The following CNTNAP5 variants were observed in gnomAD, a reference collection of about 807,000 sequenced individuals.
The protein encoded by CNTNAP5 is contactin associated protein family member 5.
CNTNAP5 carries 72 observed loss-of-function variants against 150.2 expected under a neutral mutation model. The ratio of observed to expected loss-of-function variants is 0.48; its 90% CI spans 0.40 to 0.58. The LOEUF is 0.58. Ranked by LOEUF, CNTNAP5 falls within the 20% of genes least tolerant of loss-of-function variation. The pLI is 0.00. For synonymous variants in CNTNAP5, 672 were observed against 619.8 expected, an observed-to-expected ratio of 1.08 and a Z score of -1.25; for missense variants, 1,636 against 1,626.2, an observed-to-expected ratio of 1.01 and a Z score of -0.10.
At chr2:124,604,162 A>C (rs1427480526) in intron 11 of CNTNAP5, among the ~76,000 whole-genome samples, 1 of 152,208 alleles carries the variant, frequency 6.6e-6, no homozygotes. Flanking sequence ...TGAAAGCATT[A>C]AATTATAAGC....
chr2:124,676,881 A>G (rs975492472), intron 13 of CNTNAP5, among the ~76,000 whole-genome samples: 3 of 152,224 alleles, frequency 2.0e-5, no homozygotes, highest in South Asian at 2.1e-4. Flanking sequence ...ACAATTTTGA[A>G]TAGTGCTCTC....
chr2:124,200,064 C>A (rs1372809618), intron 1 of CNTNAP5, among the ~76,000 whole-genome samples: 1 of 152,156 alleles, frequency 6.6e-6, no homozygotes, highest in Non-Finnish European at 1.5e-5. Context: ...CTAAAACAAT[C>A]TTTGCAGCAT....
intron 13 of CNTNAP5, among the ~76,000 whole-genome samples, chr2:124,696,692 T>G (rs765830682): frequency 6.6e-6 from 1 of 152,204 alleles, no homozygotes; most frequent in African/African-American, 2.4e-5. Context: ...TCTGACTGTG[T>G]GACTTTTGAA....
chr2:124,670,177 C>CT (rs879800479), intron 13 of CNTNAP5, among the ~76,000 whole-genome samples: 33,671 of 136,050 alleles, frequency 0.25, 4,592 homozygotes, highest in Non-Finnish European at 0.3. Flanking sequence ...TCCTTCCTTC[C>CT]TCCCTCTCTT....
chr2:124,511,304 AT>A (rs1694583296), intron 8 of CNTNAP5, among the ~76,000 whole-genome samples: 1 of 152,226 alleles, frequency 6.6e-6, no homozygotes, highest in Admixed American at 6.5e-5. Flanking sequence ...GGGATCTGAC[AT>A]TTCAATGTTA....
At chr2:124,147,844 A>T (rs988355151) in intron 1 of CNTNAP5, among the ~76,000 whole-genome samples, 1 of 152,216 alleles carries the variant, frequency 6.6e-6, no homozygotes, top group Non-Finnish European at 1.5e-5. Flanking sequence ...CCTTAAATTC[A>T]TCAATGCATC....
chr2:124,742,071 G>A (rs2105139124), intron 13 of CNTNAP5, among the ~76,000 whole-genome samples: 1 of 152,042 alleles, frequency 6.6e-6, no homozygotes, highest in African/African-American at 2.4e-5. Flanking sequence ...TGGAGAAACA[G>A]TGAAGATATT....
At chr2:124,083,406 C>T (rs941058619) in intron 1 of CNTNAP5, among the ~76,000 whole-genome samples, 2 of 152,020 alleles carry the variant, frequency 1.3e-5, no homozygotes, top group Non-Finnish European at 2.9e-5. Flanking sequence ...CATTCTGTAA[C>T]TTGTTTTTCA....
chr2:124,194,390 TATATATATATATATATATATAAATATAA>T (rs1379281915), intron 1 of CNTNAP5, among the ~76,000 whole-genome samples: 1 of 13,684 alleles, frequency 7.3e-5, no homozygotes, highest in Non-Finnish European at 1.7e-4. Context: ...TATATATATA[TATATATATATATATATATATAAATATAA>T]ATAGGTGTGC....
chr2:124,480,314 T>C (rs766998841), intron 7 of CNTNAP5, among the ~76,000 whole-genome samples: 5 of 152,248 alleles, frequency 3.3e-5, no homozygotes, highest in African/African-American at 4.8e-5. Flanking sequence ...TAGGCTTGGG[T>C]ATAACAGATG....
intron 1 of CNTNAP5, among the ~76,000 whole-genome samples, chr2:124,151,234 C>T (rs1684399302): frequency 1.3e-5 from 2 of 152,164 alleles, no homozygotes; most frequent in Admixed American, 1.3e-4. Context: ...TGGCCAGTGT[C>T]AGCAATTTAG....
intron 7 of CNTNAP5, among the ~76,000 whole-genome samples, chr2:124,488,392 T>A (rs943207960): frequency 6.6e-6 from 1 of 152,260 alleles, no homozygotes. Flanking sequence ...TGGTTTCAGT[T>A]TGGGAAAAAT....
chr2:124,381,004 G>A (rs1179967863), intron 3 of CNTNAP5, among the ~76,000 whole-genome samples: 1 of 152,158 alleles, frequency 6.6e-6, no homozygotes, highest in African/African-American at 2.4e-5. Context: ...CTGAGAAGGT[G>A]GCATTGGAGC....
At chr2:124,630,021 T>A (rs934344888) in intron 12 of CNTNAP5, among the ~76,000 whole-genome samples, 4 of 141,106 alleles carry the variant, frequency 2.8e-5, no homozygotes, top group African/African-American at 1.0e-4. Context: ...GAACCAGGAA[T>A]AAGTTAAATT....
intron 16 of CNTNAP5, among the ~76,000 whole-genome samples, chr2:124,770,703 C>A (rs1245786806): frequency 6.6e-6 from 1 of 152,120 alleles, no homozygotes; most frequent in Non-Finnish European, 1.5e-5. Context: ...TCAATCTGTT[C>A]CCTTCAATTC....
chr2:124,496,494 A>G (rs1694150792), intron 7 of CNTNAP5, among the ~76,000 whole-genome samples: 1 of 152,102 alleles, frequency 6.6e-6, no homozygotes, highest in South Asian at 2.1e-4. Flanking sequence ...TTTATTTTTT[A>G]CTCACCAGGG....
At chr2:124,291,195 C>T (rs898840736) in intron 3 of CNTNAP5, among the ~76,000 whole-genome samples, 2 of 151,900 alleles carry the variant, frequency 1.3e-5, no homozygotes, top group Non-Finnish European at 2.9e-5. Flanking sequence ...AAAGAGAAAA[C>T]GGAGGCAGAG....
At chr2:124,677,275 G>T (rs567378284) in intron 13 of CNTNAP5, among the ~76,000 whole-genome samples, 1 of 152,274 alleles carries the variant, frequency 6.6e-6, no homozygotes, top group East Asian at 1.9e-4. Context: ...TGGGTTCATG[G>T]TCTTGCTGAC....
At chr2:124,728,257 C>A (rs1680202253) in intron 13 of CNTNAP5, among the ~76,000 whole-genome samples, 1 of 152,046 alleles carries the variant, frequency 6.6e-6, no homozygotes, top group South Asian at 2.1e-4. Flanking sequence ...ATTTTCTTTG[C>A]CCTTGTCTGG....
Sources: gnomAD v4.1 joint callset for allele counts (sites outside exome capture counted in the v4.1 genomes callset) on GRCh38, gnomAD v4.1.1 for gene constraint, MANE v1.5 for transcripts, NCBI Gene and HGNC (gene_info 2026-07-23, HGNC 2026-07-21) for gene names.